MYO15A: variants seen among roughly 807,000 people sequenced by gnomAD.
MYO15A encodes the protein myosin XVA, also known as unconventional myosin-XV.
MYO15A carries 308 observed loss-of-function variants against 394.6 expected under a neutral mutation model. That is an observed-to-expected ratio of 0.78 (90% CI 0.71 to 0.86). The LOEUF (loss-of-function observed/expected upper bound fraction) is 0.86. MYO15A is among the 40% of genes least tolerant of loss of function. MYO15A has a pLI of 0.00. For synonymous variants in MYO15A, 1,957 were observed against 2,003.8 expected, an observed-to-expected ratio of 0.98 and a Z score of 0.62; for missense variants, 4,606 against 4,799.1, an observed-to-expected ratio of 0.96 and a Z score of 1.19.
At position 18,125,258 on chromosome 17, in the gene MYO15A, G is replaced by A. The variant is rs749091950; in HGVS notation, c.3756+27G>A. On this transcript the variant is annotated intron_variant, in intron 4 of 65. Transcript: ENST00000647165. ...TAAGGCCTGGGGCTGGCCCTGCCCT[G>A]GGCCTAGGTCAGGAAGGCAGCTGCC... 15 of 1,610,150 alleles carry A rather than the reference G, an allele frequency of 9.3e-6. No individual in the cohort carries two copies. In the South Asian group the frequency reaches 1.3e-4, roughly 14 times the overall value.
chr17:18,162,598 C>T lies in MYO15A; in HGVS notation c.9531C>T (p.Ala3177=). 2 of 1,613,998 alleles carry T rather than the reference C, an allele frequency of 1.2e-6. No homozygotes were observed. The highest frequency in any genetic ancestry group is 2.7e-5 in the African/African-American group (2 of 75,048). The change falls in exon 58 of 66, where the codon GCC becomes GCT. Residue 3177 remains alanine, a synonymous_variant. Transcript: ENST00000647165. ...CTGCTTCTGCAGGGATCGCCAAGGCCTGCGAGCAGAACCTGCAGAAAACCT... is the reference window on the plus strand; with the variant it reads ...CTGCTTCTGCAGGGATCGCCAAGGCTTGCGAGCAGAACCTGCAGAAAACCT... ...PGLPFQGIAK[A]CEQNLQKTLR...
chr17:18,145,800 A>T, intron 29 of MYO15A, 72 bp from the exon 30 acceptor site: 1 of 1,330,866 alleles, frequency 7.5e-7, no homozygotes, highest in Non-Finnish European at 1.1e-6. Flanking sequence ...CATGAGAGGG[A>T]TGCATGTTGT....
intron 2 of MYO15A, chr17:18,123,450 G>A (rs1428363204): frequency 6.6e-6 from 1 of 152,366 alleles, no homozygotes; most frequent in African/African-American, 2.4e-5. Context: ...GGGCAGATGG[G>A]TGGGCCGGAG....
Position 18,157,891 on chromosome 17 carries a change from C to A in MYO15A, c.8958C>A (p.Arg2986=). Residue 2986 remains arginine, a synonymous_variant, in exon 51 of 66, where the codon CGC becomes CGA. Transcript: ENST00000647165. ...CAGCCGCTGCACAGGAGGTGGGCCGCAGGAGAGAGGTGAGACCAGTGTGGG... is the reference window on the plus strand; with the variant it reads ...CAGCCGCTGCACAGGAGGTGGGCCGAAGGAGAGAGGTGAGACCAGTGTGGG... ...ASAAAAQEVG[R]RREGPPVRAR... is the part of the protein sequence containing the mutation. 8.5e-7 allele frequency: 1 copy of A among 1,176,288 alleles called. No individual in the cohort carries two copies. Among genetic ancestry groups the A allele is most frequent in the Admixed American group, 3.3e-5 (1 of 30,728 alleles). The allele number at this position is 1,176,288 out of a possible 1,614,324, so 72.9% of individuals were successfully genotyped here. A position where few individuals can be genotyped will look rare whatever the true frequency, so the allele number is the denominator to read the frequency against.
chr17:18,171,752 G>GGCACGTGCCC lies in MYO15A; in HGVS notation c.10199_10200insACGTGCCCGC (p.Gln3403ArgfsTer52). 1 of 1,611,008 alleles carries GGCACGTGCCC rather than the reference G, an allele frequency of 6.2e-7. No homozygotes were observed. Among genetic ancestry groups the GGCACGTGCCC allele is most frequent in the Non-Finnish European group, 8.5e-7 (1 of 1,179,912 alleles). ...AGACACAGGCGCTCAGCCCCCACCA[G>GGCACGTGCCC]GCCCGTGCCCAGTTTCTGGGTAAGA... On this transcript the variant is annotated frameshift_variant, in exon 63 of 66. Coordinates refer to ENST00000647165, the MANE Select transcript of MYO15A (RefSeq NM_016239.4). LOFTEE classifies it high-confidence loss of function.
rs1261664276 is a variant in MYO15A, at chr17:18,118,919, TC to T, written c.121del (p.Arg41AlafsTer47). The T allele has an allele frequency of 1.6e-5, 26 of 1,613,702 alleles. No homozygotes were observed. The highest frequency in any genetic ancestry group is 2.2e-5 in the Non-Finnish European group (26 of 1,179,974). ...GGGACGTCGCGGCTGTTCATGGGCTTCCGCGACCGTACACCCAAGATCTCCA... is the reference window on the plus strand; with the variant it reads ...GGGACGTCGCGGCTGTTCATGGGCTTCGCGACCGTACACCCAAGATCTCCA... ...LKGTSRLFMG[F>X]RDRTPKISKK... On this transcript the variant is annotated frameshift_variant, in exon 2 of 66. Transcript: ENST00000647165. LOFTEE classifies it high-confidence loss of function.
In MYO15A at chr17:18,140,606, G is replaced by A. The variant is rs371647200; in HGVS notation, c.5301G>A (p.Ala1767=). Residue 1767 remains alanine, a synonymous_variant, in exon 20 of 66, where the codon GCG becomes GCA. Transcript: ENST00000647165. ...KSSSVTRLYK[A]HTVAAKFQQS... ...GCTCCGTCACTCGGCTCTACAAGGC[G>A]CACACTGTGGCCGCCAAGTTCCAGC... is the stretch of plus-strand genomic sequence containing the variant. 7.3e-5 allele frequency: 117 copies of A among 1,613,728 alleles called. No individual in the cohort carries two copies. Among genetic ancestry groups the A allele is most frequent in the East Asian group, 1.1e-4 (5 of 44,882 alleles).
chr17:18,143,942 C>T lies in MYO15A; in HGVS notation c.6119C>T (p.Thr2040Ile). Reference sequence around the variant, plus strand: ...CGACTCCAGGCTGAGCCCCGTGTCACACTGCCCCTGGACATCAACAACTAT... The same window carrying T: ...CGACTCCAGGCTGAGCCCCGTGTCATACTGCCCCTGGACATCAACAACTAT... ...TPRLQAEPRV[T>I]LPLDINNYPM... is the part of the protein sequence containing the mutation. Residue 2040 changes from threonine (T) to isoleucine (I), a missense_variant, in exon 28 of 66, where the codon ACA (threonine) becomes ATA (isoleucine). Around this residue, in one of 2 missense-constraint regions of MYO15A, gnomAD observed 2,776 missense variants for 3,109.3 expected, o/e 0.89. Coordinates refer to ENST00000647165, the MANE Select transcript of MYO15A (RefSeq NM_016239.4). The T allele has an allele frequency of 6.2e-7, 1 of 1,612,062 alleles. No individual in the cohort carries two copies. The highest frequency in any genetic ancestry group is 2.2e-5 in the East Asian group (1 of 44,876).
intron 7 of MYO15A, among the ~76,000 whole-genome samples, chr17:18,128,660 A>C (rs1050135453): frequency 6.6e-6 from 1 of 152,036 alleles, no homozygotes; most frequent in East Asian, 1.9e-4. Flanking sequence ...TACCTCGTGC[A>C]CCTCCTGTGG....
Position 18,141,720 on chromosome 17 carries a change from A to G in MYO15A, c.5599A>G (p.Ser1867Gly), listed in dbSNP as rs1159025996. ...TGGGGACATGTGTGTGTCAGTGCTGAGTCGCCTGTGCAAAGTCATGCCAAA... is the reference window on the plus strand; with the variant it reads ...TGGGGACATGTGTGTGTCAGTGCTGGGTCGCCTGTGCAAAGTCATGCCAAA... The part of the protein sequence containing the change: ...ANGDMCVSVL[S>G]RLCKVMPNMY... The change falls in exon 23 of 66, where the codon AGT (serine) becomes GGT (glycine). Residue 1867 changes from serine to glycine, a missense_variant. This residue lies in a region of MYO15A where 2,776 missense variants were observed against 3,109.3 expected (regional missense o/e 0.89). Coordinates refer to ENST00000647165, the MANE Select transcript of MYO15A (RefSeq NM_016239.4). 6 of 1,613,990 alleles carry G rather than the reference A, an allele frequency of 3.7e-6. No individual in the cohort carries two copies. The East Asian group carries it at 1.3e-4, about 36-fold the overall frequency.
chr17:18,124,731 C>T (rs888764250), intron 3 of MYO15A, 166 bp downstream of exon 3: 4 of 695,990 alleles, frequency 5.7e-6, no homozygotes, highest in Admixed American at 5.2e-5. Context: ...GTGAGTTAGA[C>T]GGACTTTGGT....
At chr17:18,110,857 C>A (rs1355589292) in intron 1 of MYO15A, among the ~76,000 whole-genome samples, 2 of 152,214 alleles carry the variant, frequency 1.3e-5, no homozygotes, top group African/African-American at 4.8e-5. Flanking sequence ...CTGACCTTTG[C>A]ACATGCTGTT....
At chr17:18,159,220 C>A (rs1019645883) in intron 53 of MYO15A, 55 bp from the exon 54 acceptor site, 1 of 1,596,616 alleles carries the variant, frequency 6.3e-7, no homozygotes, top group African/African-American at 1.3e-5. Flanking sequence ...AATGTGTCCC[C>A]TTTCTGTTCT....
Position 18,138,860 on chromosome 17 carries a change from A to T in MYO15A, c.5057A>T (p.Asn1686Ile). The change falls in exon 18 of 66, where the codon AAC becomes ATC. Residue 1686 changes from asparagine (N) to isoleucine (I), a missense_variant. Coordinates refer to ENST00000647165, the MANE Select transcript of MYO15A (RefSeq NM_016239.4). ...LQKCHYHHGA[N>I]PLYSKPKMPL... ...AAGTGCCACTACCATCATGGCGCCA[A>T]CCCGCTCTATTCCAAACCCAAGATG... The T allele has an allele frequency of 6.2e-7, 1 of 1,613,772 alleles. No homozygotes were observed. The highest frequency in any genetic ancestry group is 8.5e-7 in the Non-Finnish European group (1 of 1,179,898).
At chr17:18,134,489 T>C (rs1446417869) in intron 12 of MYO15A, among the ~76,000 whole-genome samples, 1 of 152,250 alleles carries the variant, frequency 6.6e-6, no homozygotes, top group East Asian at 1.9e-4. Context: ...AACACTTAAA[T>C]CTTTGATCCA....
rs754781505 is a variant in MYO15A at position 18,122,116 on chromosome 17, C to T, written c.3316C>T (p.Arg1106Trp). 18 of 1,612,760 alleles carry T rather than the reference C, an allele frequency of 1.1e-5. No homozygotes were observed. Among genetic ancestry groups the T allele is most frequent in the Admixed American group, 3.3e-5 (2 of 60,010 alleles). ...AGAGCCCCTGCCCAAGGGGGGTGAA[C>T]GGCGCCAGGCAGCCCCTGGGCGTTT... ...APEPLPKGGE[R>W]RQAAPGRFAV... The change falls in exon 2 of 66, where the codon CGG becomes TGG. Residue 1106 changes from arginine (R) to tryptophan (W), a missense_variant. Transcript: ENST00000647165.
intron 45 of MYO15A, 37 bp from the exon 46 acceptor site, chr17:18,155,073 T>G (rs2046652072): frequency 6.3e-7 from 1 of 1,584,170 alleles, no homozygotes; most frequent in Admixed American, 1.7e-5. Flanking sequence ...GCCAGGGGAG[T>G]GGGGAGAGGG....
chr17:18,134,548 C>A (rs1000378208), intron 12 of MYO15A, among the ~76,000 whole-genome samples: 1 of 152,036 alleles, frequency 6.6e-6, no homozygotes, highest in Non-Finnish European at 1.5e-5. Flanking sequence ...ACTTTTTTCC[C>A]AGGTGGTTAC....
intron 1 of MYO15A, among the ~76,000 whole-genome samples, chr17:18,111,387 A>G (rs1396227828): frequency 6.6e-6 from 1 of 151,908 alleles, no homozygotes; most frequent in Admixed American, 6.6e-5. Flanking sequence ...GTCCCCTACA[A>G]CACAGGGAGC....
Sources: gnomAD v4.1 joint callset for allele counts (sites outside exome capture counted in the v4.1 genomes callset) on GRCh38, gnomAD v4.1.1 for gene constraint, gnomAD v4.1.1 regional missense constraint, MANE v1.5 for transcripts, NCBI Gene and HGNC (gene_info 2026-07-23, HGNC 2026-07-21) for gene names.